The following KPRP variants were observed in gnomAD, a reference collection of about 807,000 sequenced individuals.
The protein encoded by KPRP is keratinocyte proline rich protein.
For missense variants in KPRP, 820 were observed against 746.4 expected, an observed-to-expected ratio of 1.10 and a Z score of -1.15; for synonymous variants, 282 against 276.9, an observed-to-expected ratio of 1.02 and a Z score of -0.18.
Position 152,761,408 on chromosome 1 carries a change from G to C in KPRP, c.*80G>C, listed in dbSNP as rs138773588. On this transcript the variant is annotated 3_prime_UTR_variant, in exon 1 of 1. Coordinates refer to ENST00000606109, the Ensembl canonical transcript of KPRP. ...ATTCCACAATTTCCAGTACGCTCTT[G>C]TTTGAATCTCTCCAAAGATATTCAG... 1.7e-3 allele frequency: 2,550 copies of C among 1,507,368 alleles called. 31 individuals are homozygous for C. In the African/African-American group the frequency reaches 0.031, roughly 18 times the overall value. The allele number at this position is 1,507,368 out of a possible 1,614,324, so 93.4% of individuals were successfully genotyped here.
exon 1 of KPRP, chr1:152,761,230 G>A: frequency 6.2e-7 from 1 of 1,614,206 alleles, no homozygotes; most frequent in South Asian, 1.1e-5. Flanking sequence ...CTGTGGGCCT[G>A]GTGATGTGTT....
At position 152,759,628 on chromosome 1, in the gene KPRP, C is replaced by T. The variant is rs773014757; in HGVS notation, c.40C>T (p.Gln14Ter). 14 of 1,614,000 alleles carry T rather than the reference C, an allele frequency of 8.7e-6. No individual in the cohort carries two copies. The South Asian group carries it at 9.9e-5, about 11-fold the overall frequency. Residue 14 changes from glutamine (Q) to a stop codon, truncating the protein, a stop_gained, in exon 1 of 1, where the codon CAA (glutamine) becomes TAA (stop). Coordinates refer to ENST00000606109, the Ensembl canonical transcript of KPRP. LOFTEE classifies it low-confidence loss of function (END_TRUNC). ...GCAGATCCAGTGCCGCCTGCCGCTC[C>T]AACAGTGCTGCGTCAAGGGTCCCTC...
chr1:152,758,397 G>A (rs1052641737), upstream of KPRP, among the ~76,000 whole-genome samples: 1 of 152,176 alleles, frequency 6.6e-6, no homozygotes, highest in African/African-American at 2.4e-5. Context: ...ACCTTCCCCA[G>A]GGAAATAGAT....
chr1:152,759,992 G>A (rs1651053366), exon 1 of KPRP: 4 of 1,614,078 alleles, frequency 2.5e-6, no homozygotes, highest in African/African-American at 1.3e-5. Context: ...TTCGTAGAAT[G>A]TGCTCCAGTT....
exon 1 of KPRP, chr1:152,760,134 C>T: frequency 6.2e-7 from 1 of 1,614,182 alleles, no homozygotes; most frequent in Non-Finnish European, 8.5e-7. Flanking sequence ...CCACCCAGTG[C>T]CAGTATCAAG....
exon 1 of KPRP, chr1:152,760,059 A>G (rs780688732): frequency 1.2e-6 from 2 of 1,614,170 alleles, no homozygotes; most frequent in East Asian, 2.2e-5. Context: ...TACCCTGTCC[A>G]GCTCCTCAGC....
chr1:152,761,489 C>T, exon 1 of KPRP: 19 of 1,359,120 alleles, frequency 1.4e-5, no homozygotes, highest in Admixed American at 8.8e-5. Context: ...TCCAAAGATC[C>T]ACACCTGGGT....
At chr1:152,760,111 C>A in exon 1 of KPRP, 1 of 1,614,184 alleles carries the variant, frequency 6.2e-7, no homozygotes, top group Non-Finnish European at 8.5e-7. Flanking sequence ...GTGCCAGCCT[C>A]AGGGAAGATT....
At chr1:152,761,553 C>A in exon 1 of KPRP, 2 of 720,792 alleles carry the variant, frequency 2.8e-6, no homozygotes, top group Non-Finnish European at 4.3e-6. Context: ...GCATCCTCGG[C>A]TCTAGCCAGA....
At chr1:152,759,368 A>G (rs1391019950), upstream of KPRP, among the ~76,000 whole-genome samples, 1 of 152,132 alleles carries the variant, frequency 6.6e-6, no homozygotes, top group Non-Finnish European at 1.5e-5. Context: ...GACATCTGCA[A>G]CCCTGGATGT....
At chr1:152,759,519 C>T (rs1489670891), upstream of KPRP, 2 of 1,547,512 alleles carry the variant, frequency 1.3e-6, no homozygotes, top group African/African-American at 1.4e-5. Flanking sequence ...GGCACCCCCT[C>T]TCCAACTCTC....
chr1:152,759,985 G>T (rs142569486), exon 1 of KPRP: 1 of 1,614,170 alleles, frequency 6.2e-7, no homozygotes, highest in Non-Finnish European at 8.5e-7. Context: ...GACTTGCTTC[G>T]TAGAATGTGC....
upstream of KPRP, among the ~76,000 whole-genome samples, chr1:152,758,445 G>C (rs1362552214): frequency 1.3e-5 from 2 of 152,180 alleles, no homozygotes; most frequent in African/African-American, 4.8e-5. Flanking sequence ...TAGAAGGTTT[G>C]AACCCTCATC....
chr1:152,760,276 T>A (rs199961041), exon 1 of KPRP: 1 of 1,614,176 alleles, frequency 6.2e-7, no homozygotes, highest in Admixed American at 1.7e-5. Flanking sequence ...ATTTAGTCCC[T>A]GTGTGCCCCA....
At chr1:152,761,201 G>A in exon 1 of KPRP, 7 of 1,614,158 alleles carry the variant, frequency 4.3e-6, no homozygotes, top group Non-Finnish European at 5.9e-6. Context: ...TACAACCAGG[G>A]GCAAGAGAGT....
At chr1:152,761,503 AG>A (rs1380545919) in exon 1 of KPRP, 1 of 1,259,118 alleles carries the variant, frequency 7.9e-7, no homozygotes, top group Non-Finnish European at 1.1e-6. Context: ...CCTGGGTCTC[AG>A]ATGCCTCTCC....
At chr1:152,760,117 A>C in exon 1 of KPRP, 1 of 1,614,156 alleles carries the variant, frequency 6.2e-7, no homozygotes, top group Non-Finnish European at 8.5e-7. Flanking sequence ...GCCTCAGGGA[A>C]GATTCTCCAC....
At position 152,760,407 on chromosome 1, in the gene KPRP, A is replaced by G. The variant is rs140373208; in HGVS notation, c.819A>G (p.Arg273=). The change falls in exon 1 of 1, where the codon AGA becomes AGG. Residue 273 remains arginine (R), a synonymous_variant. Coordinates refer to ENST00000606109, the Ensembl canonical transcript of KPRP. ...TCCCCCGCAGCTGTTCCCCACCAAG[A>G]CGTTTTGAGCCCTGCTCCAGCAGCT... The G allele has an allele frequency of 7.7e-5, 124 of 1,613,378 alleles. No homozygotes were observed. The African/African-American group carries it at 1.5e-3, about 20-fold the overall frequency.
exon 1 of KPRP, chr1:152,760,362 T>C (rs1285202934): frequency 6.2e-7 from 1 of 1,614,092 alleles, no homozygotes; most frequent in African/African-American, 1.3e-5. Flanking sequence ...GCCTTCCTCC[T>C]CCTCGGCGGC....
Sources: gnomAD v4.1 joint callset for allele counts (sites outside exome capture counted in the v4.1 genomes callset) on GRCh38, gnomAD v4.1.1 for gene constraint, MANE v1.5 for transcripts, NCBI Gene and HGNC (gene_info 2026-07-23, HGNC 2026-07-21) for gene names.